MAMSTR: variants seen among roughly 807,000 people sequenced by gnomAD.
The protein encoded by MAMSTR is MEF2 activating motif and SAP domain containing transcriptional regulator.
In MAMSTR, 41 loss-of-function variants were observed where a neutral mutation model predicts 42.7. That is an observed-to-expected ratio of 0.96 (90% CI 0.75 to 1.25). The LOEUF is 1.25. Among genes scored for constraint, MAMSTR ranks in the 50% most tolerant of loss-of-function variants. The probability of loss-of-function intolerance (pLI) is 0.00; values close to 1 mark genes in which losing one functional copy is unlikely to be tolerated. For missense variants in MAMSTR, 567 were observed against 557.6 expected, an observed-to-expected ratio of 1.02 and a Z score of -0.17; for synonymous variants, 265 against 244.1, an observed-to-expected ratio of 1.09 and a Z score of -0.80.
At chr19:48,715,139 TA>T in intron 5 of MAMSTR, 122 bp downstream of exon 5, 4 of 862,658 alleles carry the variant, frequency 4.6e-6, no homozygotes, top group Non-Finnish European at 5.5e-6. Context: ...CCTGGACTCT[TA>T]AACCCTGGGA....
chr19:48,718,318 C>T (rs1381979502), intron 2 of MAMSTR, among the ~76,000 whole-genome samples: 1 of 151,896 alleles, frequency 6.6e-6, no homozygotes, highest in Non-Finnish European at 1.5e-5. Flanking sequence ...CGCTCACGTG[C>T]ACACTCAAGT....
intron 7 of MAMSTR, 25 bp downstream of exon 7, chr19:48,714,341 C>G: frequency 7.4e-7 from 1 of 1,354,662 alleles, no homozygotes; most frequent in South Asian, 1.8e-5. Flanking sequence ...TTCATTGGTC[C>G]GCAAGCTCAT....
At chr19:48,706,316 A>G in the MAMSTR span, among the ~76,000 whole-genome samples, 2 of 148,266 alleles carry the variant, frequency 1.3e-5, no homozygotes, top group East Asian at 3.9e-4. Context: ...TTAAGAGTAG[A>G]TGGAATCCTA....
chr19:48,706,186 C>T, the MAMSTR span, among the ~76,000 whole-genome samples: 3,580 of 149,560 alleles, frequency 0.024, 138 homozygotes, highest in African/African-American at 0.081. Context: ...ACTTGGCAGG[C>T]TTAAGCAGGA....
chr19:48,716,664 T>G, intron 3 of MAMSTR, 41 bp downstream of exon 3: 2 of 1,322,174 alleles, frequency 1.5e-6, no homozygotes, highest in South Asian at 2.2e-5. Context: ...CAGTGGGGAG[T>G]GGGGGGTCAC....
chr19:48,713,853 C>T lies in MAMSTR; in HGVS notation c.909+7G>A, dbSNP rs1245664305. On this transcript the variant is annotated splice_region_variant and intron_variant, in intron 8 of 9. Coordinates refer to ENST00000318083, the MANE Select transcript of MAMSTR (RefSeq NM_001130915.2). ...ACCCTAGCCGGATTCAACCCACACC[C>T]TCTTACCTGCGCCCTCCGGATCGCT... 2 of 1,613,776 alleles carry T rather than the reference C, an allele frequency of 1.2e-6. No individual in the cohort carries two copies.
downstream of MAMSTR, among the ~76,000 whole-genome samples, chr19:48,707,862 A>AGAAG (rs1254454056): frequency 9.0e-6 from 1 of 111,218 alleles, no homozygotes; most frequent in Non-Finnish European, 2.0e-5. Context: ...AAAGAAAGAA[A>AGAAG]GAAAGAAAGA....
rs780511534 is a variant in MAMSTR at position 48,714,046 on chromosome 19, C to G, written c.724-1G>C. 1 of 1,576,618 alleles carries G rather than the reference C, an allele frequency of 6.3e-7. No individual in the cohort carries two copies. Among genetic ancestry groups the G allele is most frequent in the Non-Finnish European group, 8.6e-7 (1 of 1,161,936 alleles). Reference sequence around the variant, plus strand: ...TGTGAGATGCTGCGCTGGGCTTGACCTAGAGCAGCCAAGAGGGCGAGCGCC... The same window carrying G: ...TGTGAGATGCTGCGCTGGGCTTGACGTAGAGCAGCCAAGAGGGCGAGCGCC... On this transcript the variant is annotated splice_acceptor_variant, in intron 7 of 9. Transcript: ENST00000318083. LOFTEE classifies it high-confidence loss of function.
At chr19:48,709,207 G>A (rs986410523), downstream of MAMSTR, among the ~76,000 whole-genome samples, 6 of 152,276 alleles carry the variant, frequency 3.9e-5, no homozygotes, top group South Asian at 2.1e-4. Flanking sequence ...GGAGTGCAGC[G>A]GCGTGATGTC....
chr19:48,708,221 T>G (rs1601241337), downstream of MAMSTR, among the ~76,000 whole-genome samples: 1 of 112,414 alleles, frequency 8.9e-6, no homozygotes, highest in African/African-American at 3.5e-5. Context: ...GCAACAAGAG[T>G]GAACTCCATC....
chr19:48,707,735 A>G (rs372913304), downstream of MAMSTR, among the ~76,000 whole-genome samples: 87 of 146,338 alleles, frequency 5.9e-4, no homozygotes, highest in African/African-American at 2.1e-3. Flanking sequence ...AGCGAAACTC[A>G]AGAGAGAGAG....
downstream of MAMSTR, among the ~76,000 whole-genome samples, chr19:48,711,754 T>TATTATTTTTTTATTTTTTTATTTA (rs1255993922): frequency 6.9e-6 from 1 of 145,478 alleles, no homozygotes; most frequent in African/African-American, 2.5e-5. Flanking sequence ...TTTTTTTTTT[T>TATTATTTTTTTATTTTTTTATTTA]TTTTTTTTTG....
In MAMSTR at chr19:48,713,941, T is replaced by TGGAGCTGCAGCAGGAGCCGGAGTG; in HGVS notation, c.804_827dup (p.Thr269_Pro276dup). On this transcript the variant is annotated inframe_insertion, in exon 8 of 10. Transcript: ENST00000318083. Reference sequence around the variant, plus strand: ...CCGGCCCTGAGGAAGGGGTCAGGGCTGGAGCTGCAGCAGGAGCCGGAGTGG... The same window carrying TGGAGCTGCAGCAGGAGCCGGAGTG: ...CCGGCCCTGAGGAAGGGGTCAGGGCTGGAGCTGCAGCAGGAGCCGGAGTGGGAGCTGCAGCAGGAGCCGGAGTGG... 6.2e-6 allele frequency: 10 copies of TGGAGCTGCAGCAGGAGCCGGAGTG among 1,613,530 alleles called. No homozygotes were observed. The highest frequency in any genetic ancestry group is 8.5e-6 in the Non-Finnish European group (10 of 1,179,742).
chr19:48,715,160 G>A, intron 5 of MAMSTR, 102 bp downstream of exon 5: 1 of 1,084,286 alleles, frequency 9.2e-7, no homozygotes, highest in Non-Finnish European at 1.4e-6. Context: ...AGAAGAGAGG[G>A]TTGGGGGCCC....
downstream of MAMSTR, among the ~76,000 whole-genome samples, chr19:48,709,218 G>A (rs919331513): frequency 1.1e-4 from 16 of 152,082 alleles, no homozygotes; most frequent in Admixed American, 5.2e-4. Context: ...GCGTGATGTC[G>A]GCTGACCACA....
chr19:48,718,926 G>A, intron 2 of MAMSTR, 48 bp downstream of exon 2: 2 of 1,136,028 alleles, frequency 1.8e-6, no homozygotes, highest in Non-Finnish European at 2.6e-6. Flanking sequence ...CCAGAGTACA[G>A]CATTCTCAGG....
At chr19:48,717,764 G>A (rs925988307) in intron 2 of MAMSTR, among the ~76,000 whole-genome samples, 5 of 151,514 alleles carry the variant, frequency 3.3e-5, no homozygotes, top group African/African-American at 1.2e-4. Context: ...GAGTGCAGTG[G>A]TGCGATCTCA....
Position 48,719,088 on chromosome 19 carries a change from A to G in MAMSTR, c.-21-36T>C, listed in dbSNP as rs73942312. 3,436 of 1,475,276 alleles carry G rather than the reference A, an allele frequency of 2.3e-3. 59 individuals are homozygous for G. In the African/African-American group the frequency reaches 0.039, roughly 17 times the overall value. 91.4% of individuals were successfully genotyped at this position (1,475,276 alleles called of 1,614,324 possible). ...AGGGGGCAGGGCAGGGGCCCCATAG[A>G]GGGCTGGCTCAGAGTGGAGGTCAGG... is the stretch of plus-strand genomic sequence containing the variant. On this transcript the variant is annotated intron_variant, in intron 1 of 9. Coordinates refer to ENST00000318083, the MANE Select transcript of MAMSTR (RefSeq NM_001130915.2). The surrounding 1 kb of genome is among the most constrained non-coding windows in gnomAD (Gnocchi z 4.4).
Position 48,714,383 on chromosome 19 carries a change from C to A in MAMSTR, c.706G>T (p.Ala236Ser), listed in dbSNP as rs1166314593. Reference protein sequence around the residue: ...PRLKPKALAAARRQGSVKPSA... With the variant: ...PRLKPKALAASRRQGSVKPSA... ...GCCCTCACCGAGCCCTGACGCCGGGCGGCTGCCAGGGCCTTGGGCTTGAGG... is the reference window on the plus strand; with the variant it reads ...GCCCTCACCGAGCCCTGACGCCGGGAGGCTGCCAGGGCCTTGGGCTTGAGG... The change falls in exon 7 of 10, where the codon GCC becomes TCC. Residue 236 changes from alanine (A) to serine (S), a missense_variant. Coordinates refer to ENST00000318083, the MANE Select transcript of MAMSTR (RefSeq NM_001130915.2). 2 of 1,365,916 alleles carry A rather than the reference C, an allele frequency of 1.5e-6. No individual in the cohort carries two copies. The highest frequency in any genetic ancestry group is 3.6e-5 in the Admixed American group (1 of 27,512). 84.6% of individuals were successfully genotyped at this position (1,365,916 alleles called of 1,614,324 possible).
Sources: gnomAD v4.1 joint callset for allele counts (sites outside exome capture counted in the v4.1 genomes callset) on GRCh38, gnomAD v4.1.1 for gene constraint, Gnocchi (gnomAD v3.1) non-coding constraint, MANE v1.5 for transcripts, NCBI Gene and HGNC (gene_info 2026-07-23, HGNC 2026-07-21) for gene names.